Variants in DNM3 observed in about 807,000 individuals in gnomAD.
The protein encoded by DNM3 is dynamin 3.
DNM3 carries 47 observed loss-of-function variants against 101.6 expected under a neutral mutation model. The observed-to-expected ratio is 0.46, with a 90% CI of 0.37 to 0.59. The LOEUF (loss-of-function observed/expected upper bound fraction) is 0.59. DNM3 is among the 20% of genes least tolerant of loss of function. The pLI is 0.00. For synonymous variants in DNM3, 385 were observed against 387.9 expected (o/e 0.99, Z 0.09); for missense variants, 849 against 1,085.7 (o/e 0.78, Z 3.06).
chr1:172,279,468 C>T (rs530051717), intron 15 of DNM3, among the ~76,000 whole-genome samples: 7 of 152,222 alleles, frequency 4.6e-5, no homozygotes, highest in East Asian at 1.9e-4. Context: ...ACCTTAGTCA[C>T]GAATTTTATC....
chr1:172,416,357 C>A (rs181701709), downstream of DNM3, among the ~76,000 whole-genome samples: 1 of 152,228 alleles, frequency 6.6e-6, no homozygotes, highest in East Asian at 1.9e-4. Flanking sequence ...CTGCCCATAT[C>A]CTTAAAAGAA....
chr1:172,297,923 C>CT (rs1160071500), intron 15 of DNM3, among the ~76,000 whole-genome samples: 1 of 151,898 alleles, frequency 6.6e-6, no homozygotes, highest in Non-Finnish European at 1.5e-5. Flanking sequence ...TCTTCCTTTT[C>CT]TTTTTTTCTG....
intron 14 of DNM3, among the ~76,000 whole-genome samples, chr1:172,151,509 G>C (rs1572736037): frequency 6.6e-6 from 1 of 152,198 alleles, no homozygotes; most frequent in East Asian, 1.9e-4. Context: ...TTTTCCTCTG[G>C]TACAATTTAC....
chr1:172,289,073 C>G (rs2063805155), intron 15 of DNM3, among the ~76,000 whole-genome samples: 1 of 151,992 alleles, frequency 6.6e-6, no homozygotes, highest in African/African-American at 2.4e-5. Context: ...CCTTTTAATA[C>G]TAGCCCCAGG....
intron 14 of DNM3, among the ~76,000 whole-genome samples, chr1:172,239,090 G>T (rs1236789145): frequency 6.6e-6 from 1 of 152,110 alleles, no homozygotes; most frequent in Non-Finnish European, 1.5e-5. Context: ...CTCTCTATAT[G>T]GCTATGGACG....
intron 4 of DNM3, among the ~76,000 whole-genome samples, chr1:172,025,874 T>C (rs1307539523): frequency 6.6e-6 from 1 of 151,922 alleles, no homozygotes; most frequent in Non-Finnish European, 1.5e-5. Flanking sequence ...AGGCTGAAAA[T>C]TCCAAAAACC....
intron 17 of DNM3, among the ~76,000 whole-genome samples, chr1:172,349,398 C>T (rs1573561267): frequency 6.6e-6 from 1 of 152,150 alleles, no homozygotes; most frequent in East Asian, 1.9e-4. Flanking sequence ...CAGTAAGTGA[C>T]TACTGCTGCC....
chr1:171,987,293 C>G, intron 2 of DNM3: 2 of 985,100 alleles, frequency 2.0e-6, no homozygotes, highest in Non-Finnish European at 2.4e-6. Context: ...GAGGGGAATG[C>G]TAACAGAACT....
At position 172,190,578 on chromosome 1, in the gene DNM3, G is replaced by T. The variant is rs1456588258; in HGVS notation, c.1659+59290G>T. Among the ~76,000 whole-genome samples, 3 of 152,270 alleles carry T rather than the reference G, an allele frequency of 2.0e-5. No homozygotes were observed. The East Asian group carries it at 5.8e-4, about 29-fold the overall frequency. On this transcript the variant is annotated intron_variant, in intron 14 of 20. Coordinates refer to ENST00000627582, the MANE Select transcript of DNM3 (RefSeq NM_015569.5). ...GTGGTATTTCTAGTTCTAGATCCTT[G>T]AGGAATTGCCACACTGCCTTCCACA...
chr1:172,107,951 T>C (rs148785768), intron 13 of DNM3, among the ~76,000 whole-genome samples: 74 of 152,230 alleles, frequency 4.9e-4, no homozygotes, highest in African/African-American at 1.7e-3. Context: ...TCCTGTATTA[T>C]GTATTCATAA....
At chr1:171,881,561 G>A (rs975142400) in intron 1 of DNM3, among the ~76,000 whole-genome samples, 4 of 152,222 alleles carry the variant, frequency 2.6e-5, no homozygotes, top group Admixed American at 6.5e-5. Flanking sequence ...CAGAGGGCCA[G>A]GCTGAGCCAC....
chr1:172,276,583 G>GTGTGTGTGTA (rs2063299844), intron 15 of DNM3, among the ~76,000 whole-genome samples: 1 of 151,670 alleles, frequency 6.6e-6, no homozygotes, highest in African/African-American at 2.4e-5. Flanking sequence ...GTGTGTGTGT[G>GTGTGTGTGTA]TGTATAGGAC....
chr1:172,163,930 C>G (rs1436470257), intron 14 of DNM3, among the ~76,000 whole-genome samples: 6 of 147,324 alleles, frequency 4.1e-5, no homozygotes, highest in African/African-American at 1.5e-4. Context: ...TATGCATGTG[C>G]ATATATACAC....
chr1:172,257,639 A>G (rs1407184243), intron 15 of DNM3, among the ~76,000 whole-genome samples: 2 of 152,166 alleles, frequency 1.3e-5, no homozygotes, highest in Non-Finnish European at 2.9e-5. Context: ...TTACACGCAT[A>G]GCATATGTAA....
chr1:171,938,872 T>C (rs2041628168), intron 2 of DNM3, among the ~76,000 whole-genome samples: 1 of 152,216 alleles, frequency 6.6e-6, no homozygotes, highest in Non-Finnish European at 1.5e-5. Context: ...CATTCAGACC[T>C]ACTTTAAATC....
chr1:172,411,602 A>G lies in DNM3; in HGVS notation c.*3761A>G. 1 of 985,216 alleles carries G rather than the reference A, an allele frequency of 1.0e-6. No individual in the cohort carries two copies. The highest frequency in any genetic ancestry group is 1.2e-6 in the Non-Finnish European group (1 of 829,780). 61.0% of individuals were successfully genotyped at this position (985,216 alleles called of 1,614,324 possible). A position where few individuals can be genotyped will look rare whatever the true frequency, so the allele number is the denominator to read the frequency against. On this transcript the variant is annotated 3_prime_UTR_variant, in exon 21 of 21. Coordinates refer to ENST00000627582, the MANE Select transcript of DNM3 (RefSeq NM_015569.5). ...GGATTTTTCTGAGTAAATTTGCTGA[A>G]AATATAAGAGAGAAGCTATCTAATA...
intron 1 of DNM3, among the ~76,000 whole-genome samples, chr1:171,898,168 G>T (rs190430081): frequency 6.6e-6 from 1 of 152,178 alleles, no homozygotes; most frequent in East Asian, 1.9e-4. Context: ...ATAAAAATGG[G>T]ATCTTTGCCC....
chr1:171,917,742 T>C (rs1246040859), intron 1 of DNM3, among the ~76,000 whole-genome samples: 2 of 152,220 alleles, frequency 1.3e-5, no homozygotes, highest in Admixed American at 1.3e-4. Flanking sequence ...AAAAATGGCA[T>C]ACATATTTTC....
chr1:172,046,729 T>G (rs2049842003), intron 9 of DNM3, among the ~76,000 whole-genome samples: 2 of 152,192 alleles, frequency 1.3e-5, no homozygotes, highest in African/African-American at 4.8e-5. Context: ...CCCTATTCTA[T>G]TTCTTCTCCA....
Sources: allele counts gnomAD v4.1 joint callset (sites outside exome capture counted in the v4.1 genomes callset), GRCh38; gene constraint gnomAD v4.1.1; transcripts MANE v1.5; gene names NCBI Gene and HGNC (gene_info 2026-07-23, HGNC 2026-07-21).